Variants in PNPLA7 observed in about 807,000 individuals in gnomAD.
PNPLA7 encodes the protein patatin-like phospholipase domain-containing protein 7.
PNPLA7 carries 153 observed loss-of-function variants against 161.7 expected under a neutral mutation model. The ratio of observed to expected loss-of-function variants is 0.95; its 90% CI spans 0.83 to 1.08. The LOEUF is 1.08. Ranked by LOEUF, PNPLA7 falls within the 50% of genes least tolerant of loss-of-function variation. PNPLA7 has a pLI of 0.00. For synonymous variants in PNPLA7, 809 were observed against 782.1 expected (o/e 1.03, Z -0.57); for missense variants, 1,739 against 1,856.6 (o/e 0.94, Z 1.16).
chr9:137,527,017 C>T (rs1166994636), intron 8 of PNPLA7, among the ~76,000 whole-genome samples: 2 of 152,076 alleles, frequency 1.3e-5, no homozygotes, highest in East Asian at 1.9e-4. Context: ...GCCTGTGGTC[C>T]CAGCACTTTG....
intron 25 of PNPLA7, among the ~76,000 whole-genome samples, chr9:137,474,109 G>A (rs1831833174): frequency 6.6e-6 from 1 of 152,082 alleles, no homozygotes; most frequent in Admixed American, 6.6e-5. Context: ...TGTGGTGGTG[G>A]GTGCCTGTAA....
At chr9:137,460,832 C>T in intron 33 of PNPLA7, 95 bp from the exon 34 acceptor site, 1 of 1,183,344 alleles carries the variant, frequency 8.5e-7, no homozygotes, top group Non-Finnish European at 1.2e-6. Flanking sequence ...CACAGATGCC[C>T]ACCCCCGCCT....
intron 12 of PNPLA7, among the ~76,000 whole-genome samples, chr9:137,512,372 C>T (rs559653355): frequency 1.6e-4 from 25 of 152,360 alleles, no homozygotes; most frequent in Non-Finnish European, 3.1e-4. Context: ...CAAACACAAA[C>T]GCACACCACA....
chr9:137,505,869 C>A, intron 13 of PNPLA7, 109 bp from the exon 14 acceptor site: 2 of 1,533,864 alleles, frequency 1.3e-6, no homozygotes, highest in Non-Finnish European at 1.8e-6. Flanking sequence ...GGCTGAGCCT[C>A]CTGAAGCTGC....
chr9:137,464,524 G>A (rs1327713577), intron 26 of PNPLA7, 68 bp from the exon 27 acceptor site: 1 of 1,387,810 alleles, frequency 7.2e-7, no homozygotes, highest in East Asian at 2.3e-5. Context: ...CAGACACGTG[G>A]CGTGCTGAGG....
intron 12 of PNPLA7, among the ~76,000 whole-genome samples, chr9:137,509,994 G>A (rs188823343): frequency 1.4e-4 from 22 of 152,310 alleles, no homozygotes; most frequent in African/African-American, 5.1e-4. Flanking sequence ...AGAGATAGGA[G>A]CTGAGGGGAC....
At chr9:137,492,906 CAGGGCGGGGCCATGGGCTGGG>C (rs914217397) in intron 20 of PNPLA7, 86 bp downstream of exon 20, 94 of 746,678 alleles carry the variant, frequency 1.3e-4, no homozygotes, top group African/African-American at 7.4e-4. Context: ...GGCTCCAGGA[CAGGGCGGGGCCATGGGCTGGG>C]AGGGCGGGGC....
intron 14 of PNPLA7, among the ~76,000 whole-genome samples, chr9:137,504,767 A>G (rs7032792): frequency 0.034 from 5,251 of 152,288 alleles, 298 homozygotes; most frequent in African/African-American, 0.12. Context: ...TTTTTGAGAC[A>G]GAAAATAACT....
At chr9:137,469,127 A>G (rs1831604566) in intron 25 of PNPLA7, among the ~76,000 whole-genome samples, 1 of 152,208 alleles carries the variant, frequency 6.6e-6, no homozygotes, top group Non-Finnish European at 1.5e-5. Flanking sequence ...CCAAATGAAA[A>G]TTCTAGAAGT....
At chr9:137,548,469 G>A (rs187259869) in intron 1 of PNPLA7, among the ~76,000 whole-genome samples, 122 of 152,348 alleles carry the variant, frequency 8.0e-4, no homozygotes, top group African/African-American at 2.6e-3. Flanking sequence ...CCAGGGAAGG[G>A]CCGGGCGCAG....
chr9:137,525,384 G>A (rs1038721573), intron 8 of PNPLA7, among the ~76,000 whole-genome samples: 8 of 152,222 alleles, frequency 5.3e-5, no homozygotes, highest in Non-Finnish European at 8.8e-5. Context: ...CATGGAGACC[G>A]GTAGTGGCCC....
At chr9:137,479,327 G>T in intron 23 of PNPLA7, 89 bp from the exon 24 acceptor site, 2 of 1,384,030 alleles carry the variant, frequency 1.4e-6, no homozygotes, top group South Asian at 3.4e-5. Flanking sequence ...AGGGTCTGAG[G>T]GCAGGACCCC....
At chr9:137,542,504 A>G (rs938576338) in intron 7 of PNPLA7, 138 bp downstream of exon 7, 4 of 999,844 alleles carry the variant, frequency 4.0e-6, no homozygotes, top group Admixed American at 6.2e-5. Context: ...AAAAATAAAA[A>G]CGGTGAGTTT....
chr9:137,496,140 TG>T (rs1291712748), intron 18 of PNPLA7, among the ~76,000 whole-genome samples: 54 of 119,698 alleles, frequency 4.5e-4, no homozygotes, highest in Admixed American at 1.2e-3. Flanking sequence ...AGTTTTTTTT[TG>T]TTTTTTTTTT....
At chr9:137,481,746 G>A (rs187648306) in intron 21 of PNPLA7, among the ~76,000 whole-genome samples, 1 of 152,312 alleles carries the variant, frequency 6.6e-6, no homozygotes, top group Admixed American at 6.5e-5. Flanking sequence ...CACGAGGTCA[G>A]GAGATCCGGT....
chr9:137,482,562 C>T (rs757661718), intron 21 of PNPLA7, among the ~76,000 whole-genome samples: 6 of 152,256 alleles, frequency 3.9e-5, no homozygotes, highest in Non-Finnish European at 7.3e-5. Context: ...CCAGGGCTGC[C>T]GGCAAGCCGG....
At chr9:137,535,351 G>C (rs922447303) in intron 8 of PNPLA7, among the ~76,000 whole-genome samples, 18 of 152,152 alleles carry the variant, frequency 1.2e-4, no homozygotes, top group African/African-American at 4.3e-4. Flanking sequence ...GAAAAACTCA[G>C]GTCAGAAACA....
chr9:137,481,152 G>A, intron 21 of PNPLA7, 129 bp from the exon 22 acceptor site: 5 of 950,870 alleles, frequency 5.3e-6, no homozygotes, highest in South Asian at 3.0e-5. Flanking sequence ...CCAAGGAGGA[G>A]GAAGGCAGTG....
chr9:137,483,860 G>A (rs907768874), intron 21 of PNPLA7, among the ~76,000 whole-genome samples: 2 of 152,160 alleles, frequency 1.3e-5, no homozygotes, highest in Non-Finnish European at 2.9e-5. Context: ...TCAGGAGGGA[G>A]CATTTTCACA....
Sources: gnomAD v4.1 joint callset for allele counts (sites outside exome capture counted in the v4.1 genomes callset) on GRCh38, gnomAD v4.1.1 for gene constraint, MANE v1.5 for transcripts, NCBI Gene and HGNC (gene_info 2026-07-23, HGNC 2026-07-21) for gene names.